Variants in FAF1 observed in about 807,000 individuals in gnomAD.
FAF1 encodes Fas associated factor 1.
A neutral mutation model predicts 92.5 loss-of-function variants in FAF1; 25 were observed. The observed-to-expected ratio is 0.27, with a 90% CI of 0.20 to 0.38. The LOEUF is 0.38. Among genes scored for constraint, FAF1 ranks in the 10% least tolerant of loss-of-function variants. The pLI, the probability that FAF1 is intolerant of heterozygous loss-of-function variation, is 1.00. For missense variants in FAF1, 636 were observed against 793.3 expected (o/e 0.80, Z 2.38); for synonymous variants, 234 against 273.2 (o/e 0.86, Z 1.42).
chr1:50,641,279 T>A (rs1250799352), intron 8 of FAF1, among the ~76,000 whole-genome samples: 1 of 152,208 alleles, frequency 6.6e-6, no homozygotes, highest in Middle Eastern at 3.2e-3. Flanking sequence ...TTCAGGTAGA[T>A]GATTATTTCA....
At chr1:50,612,222 A>G (rs1270428410) in intron 8 of FAF1, 4 of 263,036 alleles carry the variant, frequency 1.5e-5, no homozygotes, top group Admixed American at 5.8e-5. Flanking sequence ...TATATTGATT[A>G]TAACAGTCTA....
intron 15 of FAF1, among the ~76,000 whole-genome samples, chr1:50,526,849 A>G (rs1405794553): frequency 6.7e-6 from 1 of 148,432 alleles, no homozygotes; most frequent in Non-Finnish European, 1.5e-5. Flanking sequence ...ATTTGTTGTT[A>G]CCTGACGACT....
chr1:50,441,499 A>G lies in FAF1; in HGVS notation c.1894T>C (p.Ser632Pro). 3 of 1,544,970 alleles carry G rather than the reference A, an allele frequency of 1.9e-6. No homozygotes were observed. The highest frequency in any genetic ancestry group is 2.5e-5 in the East Asian group (1 of 40,774). ...RDVTQLDPNKSLLEVKLFPQE... is the reference protein window; with the variant it reads ...RDVTQLDPNKPLLEVKLFPQE... ...GGGAACAACTTTACCTCCAATAATG[A>G]TTTATTTGGGTCCAGTTGAGTTACC... Residue 632 changes from serine (S) to proline (P), a missense_variant, in exon 19 of 19, where the codon TCA (serine) becomes CCA (proline). By Grantham distance (74) the Ser-to-Pro change is moderately conservative. Around this residue, in one of 2 missense-constraint regions of FAF1, gnomAD observed 319 missense variants for 451.0 expected, o/e 0.71. Coordinates refer to ENST00000396153, the MANE Select transcript of FAF1 (RefSeq NM_007051.3).
chr1:50,836,951 CTTTTTTTTTTTTTTT>C (rs528322924), intron 2 of FAF1, among the ~76,000 whole-genome samples: 1 of 76,706 alleles, frequency 1.3e-5, no homozygotes, highest in African/African-American at 5.2e-5. Flanking sequence ...TGTTATGTTT[CTTTTTTTTTTTTTTT>C]TTTTTTTTTG....
chr1:50,578,076 C>T (rs1193642225), intron 12 of FAF1, among the ~76,000 whole-genome samples: 1 of 152,168 alleles, frequency 6.6e-6, no homozygotes, highest in East Asian at 1.9e-4. Flanking sequence ...TGATGAAGCT[C>T]CCCAAATCCT....
intron 4 of FAF1, among the ~76,000 whole-genome samples, chr1:50,766,061 C>T (rs1425470915): frequency 6.6e-6 from 1 of 152,094 alleles, no homozygotes; most frequent in Admixed American, 6.6e-5. Flanking sequence ...CATTGCACTC[C>T]AGCCTGGGCG....
intron 8 of FAF1, among the ~76,000 whole-genome samples, chr1:50,641,110 G>A (rs563427875): frequency 6.6e-6 from 1 of 152,234 alleles, no homozygotes; most frequent in South Asian, 2.1e-4. Context: ...GGGATTACAG[G>A]TGTGAGCCAT....
At chr1:50,716,911 A>G in intron 6 of FAF1, among the ~76,000 whole-genome samples, 1 of 152,080 alleles carries the variant, frequency 6.6e-6, no homozygotes, top group East Asian at 1.9e-4. Flanking sequence ...TTCACAATAA[A>G]TCTTGTTGCT....
rs1298284466 is a variant in FAF1, at chr1:50,765,312, A to G, written c.368-20537T>C. The stretch of plus-strand genomic sequence containing the variant: ...GCCTAAAAAATAGATCATTTGGAAT[A>G]GTGTTTTTATTTTTCTTCAGAGTCT... On this transcript the variant is annotated intron_variant, in intron 4 of 18. Coordinates refer to ENST00000396153, the MANE Select transcript of FAF1 (RefSeq NM_007051.3). 2.0e-5 allele frequency among the ~76,000 whole-genome samples: 3 copies of G among 152,334 alleles called. No homozygotes were observed. The East Asian group carries it at 5.8e-4, about 29-fold the overall frequency.
At chr1:50,648,903 G>A (rs559758736) in intron 8 of FAF1, among the ~76,000 whole-genome samples, 1 of 152,294 alleles carries the variant, frequency 6.6e-6, no homozygotes, top group Admixed American at 6.5e-5. Flanking sequence ...TCCAGCCTGG[G>A]TAACAAGAGC....
At chr1:50,721,252 AGAC>A (rs1451018424) in intron 6 of FAF1, among the ~76,000 whole-genome samples, 3 of 151,814 alleles carry the variant, frequency 2.0e-5, no homozygotes, top group African/African-American at 2.4e-5. Context: ...GAGATAAGTG[AGAC>A]GAGTCTCACT....
At chr1:50,894,730 C>A (rs1040036110) in intron 1 of FAF1, among the ~76,000 whole-genome samples, 47 of 151,902 alleles carry the variant, frequency 3.1e-4, no homozygotes, top group African/African-American at 1.1e-3. Context: ...GGAAACTATA[C>A]AAATACATGA....
rs927313316 is a variant in FAF1 at position 50,705,688 on chromosome 1, A to G, written c.657+98T>C. On this transcript the variant is annotated intron_variant, in intron 7 of 18. Coordinates refer to ENST00000396153, the MANE Select transcript of FAF1 (RefSeq NM_007051.3). Reference sequence around the variant, plus strand: ...TTTAAGAACCCAATAATGAAACATAAAGAGAATTTCCAACCAGAACAGATA... The same window carrying G: ...TTTAAGAACCCAATAATGAAACATAGAGAGAATTTCCAACCAGAACAGATA... 3 of 600,386 alleles carry G rather than the reference A, an allele frequency of 5.0e-6. No individual in the cohort carries two copies. In the African/African-American group the frequency reaches 5.5e-5, roughly 11 times the overall value. 37.2% of individuals were successfully genotyped at this position (600,386 alleles called of 1,614,324 possible).
chr1:50,582,921 GC>G (rs1286932368), intron 11 of FAF1, among the ~76,000 whole-genome samples: 1 of 151,986 alleles, frequency 6.6e-6, no homozygotes, highest in Non-Finnish European at 1.5e-5. Flanking sequence ...AGTACACTTA[GC>G]AAATGAATTT....
chr1:50,919,172 A>G (rs1357213553), intron 1 of FAF1, among the ~76,000 whole-genome samples: 2 of 152,154 alleles, frequency 1.3e-5, no homozygotes, highest in African/African-American at 4.8e-5. Flanking sequence ...CTCCTAAATG[A>G]AAAACATGCA....
chr1:50,495,312 T>G (rs959399154), intron 15 of FAF1, among the ~76,000 whole-genome samples: 1 of 152,176 alleles, frequency 6.6e-6, no homozygotes, highest in African/African-American at 2.4e-5. Flanking sequence ...TCTCCATGTG[T>G]TTAATTGTTT....
chr1:50,920,162 G>A (rs1557589471), intron 1 of FAF1, among the ~76,000 whole-genome samples: 1 of 152,006 alleles, frequency 6.6e-6, no homozygotes, highest in Non-Finnish European at 1.5e-5. Flanking sequence ...TTAGCTGGGT[G>A]TGGTGGCACT....
At chr1:50,943,707 G>C (rs886219337) in intron 1 of FAF1, among the ~76,000 whole-genome samples, 1 of 55,634 alleles carries the variant, frequency 1.8e-5, no homozygotes, top group African/African-American at 7.6e-5. Context: ...AAGCAAGCAT[G>C]GCCTCATTTT....
intron 4 of FAF1, among the ~76,000 whole-genome samples, chr1:50,778,770 A>C (rs1271304885): frequency 6.6e-6 from 1 of 152,040 alleles, no homozygotes; most frequent in Non-Finnish European, 1.5e-5. Flanking sequence ...CAGTAAACTA[A>C]GAGTGTGCCA....
Sources: gnomAD v4.1 joint callset for allele counts (sites outside exome capture counted in the v4.1 genomes callset) on GRCh38, gnomAD v4.1.1 for gene constraint, gnomAD v4.1.1 regional missense constraint, MANE v1.5 for transcripts, NCBI Gene and HGNC (gene_info 2026-07-23, HGNC 2026-07-21) for gene names.